RPTOR: variants seen among roughly 807,000 people sequenced by gnomAD.
RPTOR encodes the protein regulatory-associated protein of mTOR.
RPTOR carries 21 observed loss-of-function variants against 169.9 expected under a neutral mutation model. The observed-to-expected ratio is 0.12, with a 90% CI of 0.09 to 0.18. RPTOR has a LOEUF of 0.18. RPTOR is among the 10% of genes least tolerant of loss of function. The pLI is 1.00. For missense variants in RPTOR, 1,133 were observed against 1,855.9 expected, an observed-to-expected ratio of 0.61 and a Z score of 7.16; for synonymous variants, 732 against 753.2, an observed-to-expected ratio of 0.97 and a Z score of 0.46.
At chr17:80,687,871 T>A (rs1031161492) in intron 3 of RPTOR, among the ~76,000 whole-genome samples, 5 of 152,150 alleles carry the variant, frequency 3.3e-5, no homozygotes, top group Non-Finnish European at 5.9e-5. Flanking sequence ...CCGCACTGCC[T>A]TCAATTCACC....
chr17:80,603,797 C>T (rs532467878), intron 1 of RPTOR, among the ~76,000 whole-genome samples: 6 of 152,318 alleles, frequency 3.9e-5, no homozygotes, highest in African/African-American at 2.4e-5. Flanking sequence ...GAAGCGCATC[C>T]GAGACTTAGC....
intron 1 of RPTOR, among the ~76,000 whole-genome samples, chr17:80,587,865 A>G (rs2065074770): frequency 6.6e-6 from 1 of 152,046 alleles, no homozygotes; most frequent in African/African-American, 2.4e-5. Context: ...GCTGCATAGT[A>G]GATCTCTGAA....
chr17:80,923,431 C>T lies in RPTOR; in HGVS notation c.2625-59C>T, dbSNP rs932912863. On this transcript the variant is annotated intron_variant, in intron 22 of 33. Coordinates refer to ENST00000306801, the MANE Select transcript of RPTOR (RefSeq NM_020761.3). The stretch of plus-strand genomic sequence containing the variant: ...GTGGCCCAGGAAGTTGTTCCATGTT[C>T]CCTCTCGAAGCCCCAGACTCTGCAG... 9 of 1,594,538 alleles carry T rather than the reference C, an allele frequency of 5.6e-6. No individual in the cohort carries two copies. In the African/African-American group the frequency reaches 1.1e-4, roughly 19 times the overall value.
intron 21 of RPTOR, among the ~76,000 whole-genome samples, chr17:80,919,056 C>T (rs1412273126): frequency 6.6e-6 from 1 of 152,230 alleles, no homozygotes; most frequent in Non-Finnish European, 1.5e-5. Flanking sequence ...GCGGCGTTCT[C>T]TTCCCGCAGC....
chr17:80,836,266 T>G (rs990314822), intron 9 of RPTOR, among the ~76,000 whole-genome samples: 1 of 152,222 alleles, frequency 6.6e-6, no homozygotes, highest in Non-Finnish European at 1.5e-5. Flanking sequence ...TTTTCTTCCC[T>G]CTCTCCTTCT....
rs568781967 is a variant in RPTOR at position 80,611,377 on chromosome 17, T to C, written c.163-14314T>C. ...CCTGAGTTCAAGTGATTCTCCTGCC[T>C]CAGCCTCCTGAGTAGCTGGGATTAT... On this transcript the variant is annotated intron_variant, in intron 1 of 33. Coordinates refer to ENST00000306801, the MANE Select transcript of RPTOR (RefSeq NM_020761.3). Among the ~76,000 whole-genome samples, 10 of 152,284 alleles carry C rather than the reference T, an allele frequency of 6.6e-5. No individual in the cohort carries two copies. In the East Asian group the frequency reaches 1.9e-3, roughly 29 times the overall value.
chr17:80,640,779 G>A (rs888434808), intron 2 of RPTOR, among the ~76,000 whole-genome samples: 1 of 149,086 alleles, frequency 6.7e-6, no homozygotes, highest in African/African-American at 2.5e-5. Context: ...CAAGGAGGGG[G>A]TACTCCTTGA....
At chr17:80,802,771 T>A (rs2067174857) in intron 7 of RPTOR, 1 of 152,376 alleles carries the variant, frequency 6.6e-6, no homozygotes, top group Non-Finnish European at 1.5e-5. Flanking sequence ...GTGTGCCTGG[T>A]CAGTGCCCCT....
chr17:80,625,944 A>G, intron 2 of RPTOR, 151 bp downstream of exon 2: 1 of 616,854 alleles, frequency 1.6e-6, no homozygotes, highest in Non-Finnish European at 2.9e-6. Context: ...ATCACCTTTG[A>G]GTAATTTCCG....
chr17:80,829,507 G>C (rs570429826), intron 9 of RPTOR, among the ~76,000 whole-genome samples: 2 of 152,312 alleles, frequency 1.3e-5, no homozygotes, highest in East Asian at 3.9e-4. Context: ...AGCCCAACCA[G>C]ACACATCCAA....
intron 1 of RPTOR, among the ~76,000 whole-genome samples, chr17:80,548,648 C>T (rs1303172019): frequency 1.3e-5 from 2 of 152,050 alleles, no homozygotes; most frequent in East Asian, 3.9e-4. Context: ...GCTGGGATTA[C>T]AGGTGTGAGC....
rs1362189053 is a variant in RPTOR, at chr17:80,844,973, G to GTTT, written c.1213-1498_1213-1497insTTT. Among the ~76,000 whole-genome samples the GTTT allele has an allele frequency of 6.7e-5, 9 of 134,824 alleles. No individual in the cohort carries two copies. Among genetic ancestry groups the GTTT allele is most frequent in the Non-Finnish European group, 1.2e-4 (8 of 65,582 alleles). The allele number at this position is 134,824 out of a possible 152,430, so 88.4% of individuals were successfully genotyped here. A position where few individuals can be genotyped will look rare whatever the true frequency, so the allele number is the denominator to read the frequency against. On this transcript the variant is annotated intron_variant, in intron 10 of 33. Transcript: ENST00000306801. The surrounding 1 kb of genome is among the most constrained non-coding windows in gnomAD (Gnocchi z 4.7). ...AGTGGATGGGAGAGAGAGGCTGGTA[G>GTTT]TTGTTTTTTTTTTTTTCTTTAATTC...
intron 6 of RPTOR, among the ~76,000 whole-genome samples, chr17:80,774,839 T>C (rs998686798): frequency 6.6e-6 from 1 of 152,188 alleles, no homozygotes; most frequent in African/African-American, 2.4e-5. Flanking sequence ...GCGGACACAG[T>C]GTCTGTCCTC....
intron 4 of RPTOR, among the ~76,000 whole-genome samples, chr17:80,727,899 T>C (rs1439036229): frequency 6.6e-6 from 1 of 152,226 alleles, no homozygotes; most frequent in Non-Finnish European, 1.5e-5. Flanking sequence ...ACAAGCTTCA[T>C]TAATTTACAT....
At chr17:80,809,399 C>G in intron 7 of RPTOR, among the ~76,000 whole-genome samples, 1 of 152,086 alleles carries the variant, frequency 6.6e-6, no homozygotes, top group East Asian at 1.9e-4. Context: ...CACCATGTTG[C>G]CCAGGCTGAT....
chr17:80,642,353 C>T (rs897615166), intron 2 of RPTOR, among the ~76,000 whole-genome samples: 2 of 151,762 alleles, frequency 1.3e-5, no homozygotes, highest in Non-Finnish European at 2.9e-5. Context: ...AACTCCTGAC[C>T]CCAGGTGATC....
intron 3 of RPTOR, among the ~76,000 whole-genome samples, chr17:80,648,576 G>A (rs9900506): frequency 0.59 from 89,532 of 151,758 alleles, 27,049 homozygotes; most frequent in African/African-American, 0.73. Flanking sequence ...GTTGGCTTTG[G>A]GGAGCACTGC....
intron 3 of RPTOR, among the ~76,000 whole-genome samples, chr17:80,666,221 T>C (rs539544215): frequency 6.7e-6 from 1 of 150,196 alleles, no homozygotes; most frequent in African/African-American, 2.5e-5. Context: ...CTTGATATTA[T>C]CTAAAATATT....
intron 20 of RPTOR, among the ~76,000 whole-genome samples, chr17:80,908,540 T>C (rs1407482640): frequency 2.6e-5 from 4 of 152,190 alleles, no homozygotes; most frequent in Non-Finnish European, 5.9e-5. Context: ...CTGAGGCATT[T>C]CAAGGAAAGT....
Sources: gnomAD v4.1 joint callset for allele counts (sites outside exome capture counted in the v4.1 genomes callset) on GRCh38, gnomAD v4.1.1 for gene constraint, Gnocchi (gnomAD v3.1) non-coding constraint, MANE v1.5 for transcripts, NCBI Gene and HGNC (gene_info 2026-07-23, HGNC 2026-07-21) for gene names.